ADGRG6: variants seen among roughly 807,000 people sequenced by gnomAD.
ADGRG6 encodes adhesion G protein-coupled receptor G6, also known as G-protein coupled receptor 126.
A neutral mutation model predicts 142.4 loss-of-function variants in ADGRG6; 84 were observed. The ratio of observed to expected loss-of-function variants is 0.59; its 90% CI spans 0.49 to 0.71. The LOEUF (loss-of-function observed/expected upper bound fraction) is 0.71. Among genes scored for constraint, ADGRG6 ranks in the 30% least tolerant of loss-of-function variants. The pLI is 0.00. For synonymous variants in ADGRG6, 521 were observed against 520.5 expected, an observed-to-expected ratio of 1.00 and a Z score of -0.01; for missense variants, 1,367 against 1,466.6, an observed-to-expected ratio of 0.93 and a Z score of 1.11.
At chr6:142,438,599 G>GTTAC (rs1439773821) in intron 24 of ADGRG6, among the ~76,000 whole-genome samples, 4 of 151,954 alleles carry the variant, frequency 2.6e-5, no homozygotes, top group Non-Finnish European at 5.9e-5. Context: ...GTATATTATT[G>GTTAC]TTACTTCATC....
rs376516467 is a variant in ADGRG6 at position 142,393,879 on chromosome 6, T to A, written c.1362-17T>A. ...TTGGTGAGGTGGATTAATGAATATA[T>A]GTATTTGTGTTTTTAGTTTTCACCT... On this transcript the variant is annotated splice_polypyrimidine_tract_variant and intron_variant, in intron 8 of 24. Coordinates refer to ENST00000367609, the MANE Select transcript of ADGRG6 (RefSeq NM_198569.3). The A allele has an allele frequency of 6.7e-7, 1 of 1,485,004 alleles. No individual in the cohort carries two copies. The highest frequency in any genetic ancestry group is 9.2e-7 in the Non-Finnish European group (1 of 1,085,272). 92.0% of individuals were successfully genotyped at this position (1,485,004 alleles called of 1,614,324 possible). A position where few individuals can be genotyped will look rare whatever the true frequency, so the allele number is the denominator to read the frequency against.
intron 2 of ADGRG6, among the ~76,000 whole-genome samples, chr6:142,355,790 GC>G (rs1313531143): frequency 6.6e-6 from 1 of 152,068 alleles, no homozygotes; most frequent in African/African-American, 2.4e-5. Flanking sequence ...CCGAGAACAA[GC>G]TACTCTGCCA....
At chr6:142,406,291 G>T (rs1775805084) in intron 15 of ADGRG6, among the ~76,000 whole-genome samples, 1 of 151,084 alleles carries the variant, frequency 6.6e-6, no homozygotes. Context: ...GTGACCTTTG[G>T]TCTTTACACA....
chr6:142,389,353 T>A (rs964481963), intron 6 of ADGRG6, among the ~76,000 whole-genome samples: 5 of 151,956 alleles, frequency 3.3e-5, no homozygotes, highest in Non-Finnish European at 7.4e-5. Context: ...ACTTAAGACT[T>A]ACCTAAACAT....
At chr6:142,395,679 T>C (rs1171212185) in intron 9 of ADGRG6, among the ~76,000 whole-genome samples, 1 of 152,200 alleles carries the variant, frequency 6.6e-6, no homozygotes, top group Non-Finnish European at 1.5e-5. Flanking sequence ...TAGGGGCTTT[T>C]TGGTATGAAC....
chr6:142,312,166 G>A, intron 2 of ADGRG6, among the ~76,000 whole-genome samples: 1 of 152,006 alleles, frequency 6.6e-6, no homozygotes, highest in Middle Eastern at 3.2e-3. Flanking sequence ...TAATTTGACT[G>A]TGATAGCTAG....
rs73777178 is a variant in ADGRG6, at chr6:142,323,300, G to A, written c.103+13656G>A. On this transcript the variant is annotated intron_variant, in intron 2 of 24. Coordinates refer to ENST00000367609, the MANE Select transcript of ADGRG6 (RefSeq NM_198569.3). ...TTGGATGGATAATTTGAAGAAGTAC[G>A]ATATATAATTGAGTAAATCCAAAGG... 1.3e-3 allele frequency among the ~76,000 whole-genome samples: 191 copies of A among 152,014 alleles called. 1 individual carries two copies. Among genetic ancestry groups the A allele is most frequent in the African/African-American group, 4.4e-3 (183 of 41,476 alleles).
At chr6:142,321,745 A>G (rs1457410106) in intron 2 of ADGRG6, among the ~76,000 whole-genome samples, 1 of 152,092 alleles carries the variant, frequency 6.6e-6, no homozygotes, top group Admixed American at 6.6e-5. Flanking sequence ...AAATGTTTCA[A>G]ATTTTGATTT....
chr6:142,367,359 A>C (rs1021650349), intron 2 of ADGRG6, among the ~76,000 whole-genome samples: 1 of 152,178 alleles, frequency 6.6e-6, no homozygotes, highest in Non-Finnish European at 1.5e-5. Flanking sequence ...CATTGCATTA[A>C]AATTTTTTGT....
intron 10 of ADGRG6, among the ~76,000 whole-genome samples, chr6:142,399,129 C>T (rs926691217): frequency 1.3e-5 from 2 of 152,044 alleles, no homozygotes; most frequent in African/African-American, 4.8e-5. Flanking sequence ...TAGTAGAGAT[C>T]AAAAGAAAAG....
intron 22 of ADGRG6, among the ~76,000 whole-genome samples, chr6:142,428,100 A>G (rs1426897982): frequency 6.6e-6 from 1 of 152,176 alleles, no homozygotes; most frequent in African/African-American, 2.4e-5. Flanking sequence ...ACTCCATTTA[A>G]TCTTTCAGGA....
intron 17 of ADGRG6, among the ~76,000 whole-genome samples, chr6:142,410,696 G>A (rs761970246): frequency 5.3e-5 from 8 of 151,978 alleles, no homozygotes; most frequent in Non-Finnish European, 7.4e-5. Flanking sequence ...GCATAATTTT[G>A]AGAAGATCTT....
intron 13 of ADGRG6, among the ~76,000 whole-genome samples, chr6:142,403,253 A>T (rs1775628167): frequency 6.6e-6 from 1 of 152,068 alleles, no homozygotes; most frequent in African/African-American, 2.4e-5. Context: ...ATGAAAATGT[A>T]CCTGTATTTA....
chr6:142,402,270 G>A (rs1164864032), intron 12 of ADGRG6, among the ~76,000 whole-genome samples: 1 of 152,102 alleles, frequency 6.6e-6, no homozygotes, highest in Non-Finnish European at 1.5e-5. Context: ...GGAAAATCTA[G>A]AGAAGACAAA....
In ADGRG6 at chr6:142,308,426, A is replaced by G. The variant is rs9496332; in HGVS notation, c.3-1118A>G. ...AATGCAGTCTTGAGGCAAGTGCAGG[A>G]GTCCTTTGATGTCTAATTTTGCTCA... On this transcript the variant is annotated intron_variant, in intron 1 of 24. Coordinates refer to ENST00000367609, the MANE Select transcript of ADGRG6 (RefSeq NM_198569.3). Among the ~76,000 whole-genome samples the G allele has an allele frequency of 7.7e-3, 1,165 of 152,044 alleles. 14 individuals carry two copies. The highest frequency in any genetic ancestry group is 0.026 in the African/African-American group (1,092 of 41,518).
At chr6:142,359,348 C>G (rs1042224698) in intron 2 of ADGRG6, among the ~76,000 whole-genome samples, 16 of 151,832 alleles carry the variant, frequency 1.1e-4, no homozygotes, top group Admixed American at 4.6e-4. Flanking sequence ...AAAATCTTAT[C>G]TCTGCCTACT....
At chr6:142,327,938 T>A (rs1488120674) in intron 2 of ADGRG6, among the ~76,000 whole-genome samples, 1 of 152,160 alleles carries the variant, frequency 6.6e-6, no homozygotes, top group Non-Finnish European at 1.5e-5. Context: ...TTTTTTCAGT[T>A]ACTTCATCAG....
intron 4 of ADGRG6, among the ~76,000 whole-genome samples, chr6:142,380,500 A>G (rs926022900): frequency 2.6e-5 from 4 of 152,194 alleles, no homozygotes; most frequent in African/African-American, 9.6e-5. Flanking sequence ...GCCTTACAGC[A>G]GCTATCCATT....
chr6:142,413,540 A>C (rs1196035852), intron 18 of ADGRG6, among the ~76,000 whole-genome samples: 2 of 152,174 alleles, frequency 1.3e-5, no homozygotes, highest in Non-Finnish European at 2.9e-5. Flanking sequence ...TTTCTATTTG[A>C]AATTCTGGAT....
Sources: gnomAD v4.1 joint callset for allele counts (sites outside exome capture counted in the v4.1 genomes callset) on GRCh38, gnomAD v4.1.1 for gene constraint, MANE v1.5 for transcripts, NCBI Gene and HGNC (gene_info 2026-07-23, HGNC 2026-07-21) for gene names.